Variants in INCENP observed in about 807,000 individuals in gnomAD.
The protein encoded by INCENP is inner centromere protein, also known as binds and activates aurora-B and -C in vivo and in vitro.
A neutral mutation model predicts 107.3 loss-of-function variants in INCENP; 43 were observed. That is an observed-to-expected ratio of 0.40 (90% CI 0.31 to 0.52). INCENP has a LOEUF of 0.52. Among genes scored for constraint, INCENP ranks in the 20% least tolerant of loss-of-function variants. The pLI is 0.53. For synonymous variants in INCENP, 488 were observed against 494.4 expected (o/e 0.99, Z 0.17); for missense variants, 1,089 against 1,250.9 (o/e 0.87, Z 1.95).
At chr11:62,142,148 T>C (rs1792930) in intron 11 of INCENP, among the ~76,000 whole-genome samples, 80,997 of 152,158 alleles carry the variant, frequency 0.53, 22,943 homozygotes, top group Middle Eastern at 0.7. Context: ...CCCAGCTCCC[T>C]GTGCCATTTG....
At chr11:62,148,583 T>C (rs770854724) in intron 16 of INCENP, 29 bp downstream of exon 16, 2 of 1,580,912 alleles carry the variant, frequency 1.3e-6, no homozygotes, top group Admixed American at 3.7e-5. Flanking sequence ...CGGGCTCCCC[T>C]GGGGTCTGCC....
intron 5 of INCENP, 67 bp downstream of exon 5, chr11:62,137,950 C>A: frequency 7.1e-7 from 1 of 1,411,988 alleles, no homozygotes; most frequent in African/African-American, 1.4e-5. Flanking sequence ...AGGTGAGCAC[C>A]AGGGCTGGAA....
chr11:62,140,666 C>A, intron 8 of INCENP, 38 bp from the exon 9 acceptor site: 3 of 1,508,124 alleles, frequency 2.0e-6, no homozygotes, highest in Non-Finnish European at 2.7e-6. Context: ...TGGGCTGTGG[C>A]GGGCTGCCCT....
intron 10 of INCENP, 100 bp downstream of exon 10, chr11:62,141,144 C>T (rs981874014): frequency 1.2e-5 from 18 of 1,474,396 alleles, no homozygotes; most frequent in East Asian, 9.9e-5. Context: ...TGAGCCTGGG[C>T]GGAGGCAAGT....
intron 5 of INCENP, 22 bp from the exon 6 acceptor site, chr11:62,138,691 A>G: frequency 6.2e-7 from 1 of 1,613,020 alleles, no homozygotes; most frequent in South Asian, 1.1e-5. Context: ...CAGTCCCCTC[A>G]GAGTCCCTCT....
intron 4 of INCENP, 77 bp from the exon 5 acceptor site, chr11:62,137,755 C>G: frequency 2.9e-6 from 4 of 1,368,842 alleles, no homozygotes; most frequent in Non-Finnish European, 4.2e-6. Context: ...TTGCTGGAAC[C>G]CGGTCCCCTG....
intron 1 of INCENP, among the ~76,000 whole-genome samples, chr11:62,124,712 A>G (rs972444238): frequency 7.9e-5 from 12 of 152,304 alleles, no homozygotes; most frequent in African/African-American, 2.6e-4. Context: ...TCAGAAGTTG[A>G]TATCTAGAAG....
At chr11:62,126,768 C>T (rs1943759513) in intron 1 of INCENP, among the ~76,000 whole-genome samples, 1 of 152,170 alleles carries the variant, frequency 6.6e-6, no homozygotes, top group South Asian at 2.1e-4. Flanking sequence ...TTGCATATAA[C>T]CTACACACAT....
chr11:62,151,345 G>C (rs374589643), intron 18 of INCENP, among the ~76,000 whole-genome samples: 1 of 152,214 alleles, frequency 6.6e-6, no homozygotes, highest in African/African-American at 2.4e-5. Context: ...TGTGGGGTCT[G>C]TGAGAAGCAG....
In INCENP at chr11:62,130,573, C is replaced by T. The variant is rs148426794; in HGVS notation, c.1046C>T (p.Ala349Val). ...LAKKTAEEPA[A>V]SGRIICHSYL... ...AAGAAGACTGCCGAAGAGCCAGCTG[C>T]CTCTGGCCGCATCATCTGTGAGTCT... Residue 349 changes from alanine (A) to valine (V), a missense_variant, in exon 4 of 19, where the codon GCC becomes GTC. Physicochemically the swap from Ala to Val is moderately conservative, Grantham distance 64. Transcript: ENST00000394818. 1 of 1,612,098 alleles carries T rather than the reference C, an allele frequency of 6.2e-7. No individual in the cohort carries two copies. The highest frequency in any genetic ancestry group is 8.5e-7 in the Non-Finnish European group (1 of 1,179,024).
chr11:62,136,772 C>T (rs990511962), intron 4 of INCENP, among the ~76,000 whole-genome samples: 13 of 152,274 alleles, frequency 8.5e-5, no homozygotes, highest in African/African-American at 2.9e-4. Context: ...GTGTGTGGTC[C>T]GAGGATAGTG....
chr11:62,124,387 G>A (rs1020193461), intron 1 of INCENP, among the ~76,000 whole-genome samples: 2 of 151,338 alleles, frequency 1.3e-5, no homozygotes, highest in African/African-American at 4.8e-5. Flanking sequence ...GCTTCCTAGA[G>A]CATAGCCCCG....
intron 15 of INCENP, among the ~76,000 whole-genome samples, chr11:62,147,549 G>A (rs1246334212): frequency 1.3e-5 from 2 of 152,208 alleles, no homozygotes; most frequent in African/African-American, 4.8e-5. Flanking sequence ...GGAGATACAT[G>A]GGATCCTGTG....
chr11:62,131,562 A>C (rs1314076855), intron 4 of INCENP, among the ~76,000 whole-genome samples: 3 of 152,140 alleles, frequency 2.0e-5, no homozygotes, highest in Non-Finnish European at 4.4e-5. Context: ...GGCAGAGGGA[A>C]CAGCTTGTAC....
At position 62,134,505 on chromosome 11, in the gene INCENP, AT is replaced by A. The variant is rs997711043; in HGVS notation, c.1064-3322del. 4.6e-5 allele frequency among the ~76,000 whole-genome samples: 7 copies of A among 152,016 alleles called. No individual in the cohort carries two copies. The East Asian group carries it at 7.7e-4, about 17-fold the overall frequency. On this transcript the variant is annotated intron_variant, in intron 4 of 18. Coordinates refer to ENST00000394818, the MANE Select transcript of INCENP (RefSeq NM_001040694.2). ...GTTTAAAAGTATTTTAAATATTAAT[AT>A]TTTTATATGAATATTTAGTACTTTA...
At chr11:62,138,654 C>T in intron 5 of INCENP, 59 bp from the exon 6 acceptor site, 2 of 1,552,864 alleles carry the variant, frequency 1.3e-6, no homozygotes, top group Non-Finnish European at 1.8e-6. Flanking sequence ...GAGGGACTCC[C>T]TAGGGGGAGG....
Position 62,152,059 on chromosome 11 carries a change from C to T in INCENP, c.*83C>T, listed in dbSNP as rs1344744226. 3 of 1,079,038 alleles carry T rather than the reference C, an allele frequency of 2.8e-6. No individual in the cohort carries two copies. The highest frequency in any genetic ancestry group is 4.0e-6 in the Non-Finnish European group (3 of 743,278). 66.8% of individuals were successfully genotyped at this position (1,079,038 alleles called of 1,614,324 possible). The stretch of plus-strand genomic sequence containing the variant: ...TGTCGGTCTCTGTCTTGGTCTGTTG[C>T]CCTCCTTCTTGGCATGCCATTGTGG... On this transcript the variant is annotated 3_prime_UTR_variant, in exon 19 of 19. Transcript: ENST00000394818.
rs1345246930 is a variant in INCENP, at chr11:62,148,723, G to A, written c.2284-16G>A. 13 of 1,564,868 alleles carry A rather than the reference G, an allele frequency of 8.3e-6. No homozygotes were observed. Among genetic ancestry groups the A allele is most frequent in the African/African-American group, 1.4e-5 (1 of 73,484 alleles). On this transcript the variant is annotated splice_polypyrimidine_tract_variant and intron_variant, in intron 16 of 18. Coordinates refer to ENST00000394818, the MANE Select transcript of INCENP (RefSeq NM_001040694.2). ...CTGCACAGCTCCCTAACACCCCATT[G>A]CCACCTGGGTTCCAGGAAGAGCAGC...
In INCENP at chr11:62,146,760, C is replaced by A. The variant is rs963111778; in HGVS notation, c.2062C>A (p.Arg688=). The A allele has an allele frequency of 1.3e-6, 2 of 1,541,808 alleles. No individual in the cohort carries two copies. Among genetic ancestry groups the A allele is most frequent in the Non-Finnish European group, 1.8e-6 (2 of 1,141,874 alleles). ...AAEAKRLAEQ[R]EQERREQERR... ...CGAGGCTAAGCGGCTGGCAGAGCAGCGGGAGCAGGAGCGGCGGGAGCAGGA... is the reference window on the plus strand; with the variant it reads ...CGAGGCTAAGCGGCTGGCAGAGCAGAGGGAGCAGGAGCGGCGGGAGCAGGA... Residue 688 remains arginine (R), a synonymous_variant, in exon 15 of 19, where the codon CGG becomes AGG. Transcript: ENST00000394818.
Sources: allele counts gnomAD v4.1 joint callset (sites outside exome capture counted in the v4.1 genomes callset), GRCh38; gene constraint gnomAD v4.1.1; transcripts MANE v1.5; gene names NCBI Gene and HGNC (gene_info 2026-07-23, HGNC 2026-07-21).